MAPK6: variants seen among roughly 807,000 people sequenced by gnomAD.
MAPK6 encodes the protein mitogen-activated protein kinase 6, also known as ERK-3.
Under a neutral mutation model 59.3 loss-of-function variants are expected in MAPK6, and 19 were observed. The ratio of observed to expected loss-of-function variants is 0.32; its 90% CI spans 0.22 to 0.47. MAPK6 has a LOEUF of 0.47. Ranked by LOEUF, MAPK6 falls within the 20% of genes least tolerant of loss-of-function variation. The probability of loss-of-function intolerance (pLI) is 1.00; values close to 1 mark genes in which losing one functional copy is unlikely to be tolerated. For synonymous variants in MAPK6, 316 were observed against 290.3 expected, an observed-to-expected ratio of 1.09 and a Z score of -0.90; for missense variants, 724 against 847.9, an observed-to-expected ratio of 0.85 and a Z score of 1.81.
At chr15:52,058,252 T>G (rs942935336) in intron 3 of MAPK6, among the ~76,000 whole-genome samples, 5 of 152,232 alleles carry the variant, frequency 3.3e-5, no homozygotes, top group African/African-American at 1.2e-4. Context: ...TTCATTGATG[T>G]TGAAATAAAG....
chr15:52,031,901 A>AGGC (rs2031049896), intron 1 of MAPK6, among the ~76,000 whole-genome samples: 1 of 152,120 alleles, frequency 6.6e-6, no homozygotes, highest in Non-Finnish European at 1.5e-5. Context: ...TAATATGAAC[A>AGGC]AATAATTTTT....
chr15:52,035,713 T>A (rs1263873232), intron 1 of MAPK6: 3 of 152,080 alleles, frequency 2.0e-5, no homozygotes, highest in Non-Finnish European at 4.4e-5. Flanking sequence ...TCTCTAATAT[T>A]TTATCTGAGT....
At chr15:51,984,149 T>G (rs1158625072) in intron 2 of MAPK6, among the ~76,000 whole-genome samples, 1 of 152,190 alleles carries the variant, frequency 6.6e-6, no homozygotes, top group Non-Finnish European at 1.5e-5. Context: ...ATTATAATGA[T>G]GCAGTTACAC....
At chr15:52,044,460 TTGC>T (rs2031536914) in intron 1 of MAPK6, among the ~76,000 whole-genome samples, 1 of 152,230 alleles carries the variant, frequency 6.6e-6, no homozygotes, top group Non-Finnish European at 1.5e-5. Flanking sequence ...CATATAGTAG[TTGC>T]TCAATATATG....
At chr15:52,021,284 G>GT (rs1438567773) in intron 1 of MAPK6, among the ~76,000 whole-genome samples, 1 of 151,928 alleles carries the variant, frequency 6.6e-6, no homozygotes, top group Non-Finnish European at 1.5e-5. Flanking sequence ...TGGGGGTCGG[G>GT]TAGGAGGAAG....
In MAPK6 at chr15:52,063,979, C is replaced by A; in HGVS notation, c.1145C>A (p.Pro382Gln). The A allele has an allele frequency of 6.2e-7, 1 of 1,611,994 alleles. No individual in the cohort carries two copies. The highest frequency in any genetic ancestry group is 8.5e-7 in the Non-Finnish European group (1 of 1,178,994). ...GATATTGATGAAGTTCAGCTTGATC[C>A]AAGAGCTCTGTCCGATGTCACTGAT... ...NFDIDEVQLD[P>Q]RALSDVTDEE... The change falls in exon 6 of 6, where the codon CCA becomes CAA. Residue 382 changes from proline (P) to glutamine (Q), a missense_variant. Pro to Gln is a moderately conservative substitution (Grantham distance 76, BLOSUM62 -1). Transcript: ENST00000261845.
chr15:52,042,490 C>T lies in MAPK6; in HGVS notation c.-631-3340C>T, dbSNP rs1382606573. On this transcript the variant is annotated intron_variant, in intron 1 of 5. Transcript: ENST00000261845. ...AGTCACTGAGAATTCTGAAAAGGCA[C>T]TCGCATCCTTGAAGTTTCTAGTTTG... 2.0e-5 allele frequency among the ~76,000 whole-genome samples: 3 copies of T among 151,960 alleles called. No homozygotes were observed. The South Asian group carries it at 6.2e-4, about 32-fold the overall frequency.
chr15:52,052,296 C>G (rs2031808985), intron 3 of MAPK6, among the ~76,000 whole-genome samples: 1 of 152,180 alleles, frequency 6.6e-6, no homozygotes. Context: ...ATGTGGGCTT[C>G]TCCATAGGAC....
chr15:52,027,349 C>A (rs865886241), intron 1 of MAPK6, among the ~76,000 whole-genome samples: 16 of 49,192 alleles, frequency 3.3e-4, no homozygotes, highest in South Asian at 1.4e-3. Context: ...GACTCCCTCT[C>A]AAAAAAAAAA....
At chr15:52,035,335 C>A (rs1359182566) in intron 1 of MAPK6, among the ~76,000 whole-genome samples, 2 of 152,166 alleles carry the variant, frequency 1.3e-5, no homozygotes, top group African/African-American at 2.4e-5. Flanking sequence ...CAGACTTGGA[C>A]ACATTCAAAA....
upstream of MAPK6, among the ~76,000 whole-genome samples, chr15:52,016,070 G>GCACACACACACACACACACA (rs1175427042): frequency 3.2e-4 from 18 of 55,444 alleles, 1 homozygote; most frequent in Non-Finnish European, 4.7e-4. Context: ...GCGCGCGCGC[G>GCACACACACACACACACACA]CACACACACA....
At chr15:52,001,273 G>A (rs1331227235) in intron 2 of MAPK6, among the ~76,000 whole-genome samples, 2 of 151,886 alleles carry the variant, frequency 1.3e-5, no homozygotes, top group East Asian at 1.9e-4. Context: ...TCAGCCTCCA[G>A]AACTGCAAGA....
At chr15:52,063,835 G>C in intron 5 of MAPK6, 67 bp from the exon 6 acceptor site, 1 of 1,379,458 alleles carries the variant, frequency 7.2e-7, no homozygotes, top group South Asian at 1.5e-5. Flanking sequence ...TCACATAGAA[G>C]GTACTCGGTG....
At chr15:52,021,383 AT>A (rs959468449) in intron 1 of MAPK6, 59 of 146,140 alleles carry the variant, frequency 4.0e-4, no homozygotes, top group African/African-American at 1.5e-3. Context: ...TTTTTTTTAA[AT>A]ACACTGTATT....
upstream of MAPK6, among the ~76,000 whole-genome samples, chr15:52,016,070 G>GCACGCGCGCGCACA (rs1555396608): frequency 1.8e-5 from 1 of 55,392 alleles, no homozygotes; most frequent in Non-Finnish European, 3.4e-5. Context: ...GCGCGCGCGC[G>GCACGCGCGCGCACA]CACACACACA....
intron 1 of MAPK6, among the ~76,000 whole-genome samples, chr15:52,044,231 C>T (rs1359780819): frequency 6.6e-6 from 1 of 151,980 alleles, no homozygotes; most frequent in Non-Finnish European, 1.5e-5. Context: ...AACTTGTAGA[C>T]AGGAGAAGCC....
At chr15:51,979,143 G>A (rs1256621566) in intron 1 of MAPK6, among the ~76,000 whole-genome samples, 1 of 136,858 alleles carries the variant, frequency 7.3e-6, no homozygotes, top group African/African-American at 2.6e-5. Context: ...GGAAGGGAGG[G>A]AGGGAGGGAA....
At chr15:52,014,979 T>C (rs897997052), upstream of MAPK6, among the ~76,000 whole-genome samples, 4 of 152,196 alleles carry the variant, frequency 2.6e-5, no homozygotes, top group African/African-American at 9.7e-5. Flanking sequence ...ATCTGCAGTT[T>C]GAAAAAATGC....
chr15:52,029,372 C>A (rs1282354168), intron 1 of MAPK6, among the ~76,000 whole-genome samples: 1 of 152,028 alleles, frequency 6.6e-6, no homozygotes, highest in Non-Finnish European at 1.5e-5. Flanking sequence ...TATTGGCATA[C>A]CTAAGACAGG....
Sources: allele counts gnomAD v4.1 joint callset (sites outside exome capture counted in the v4.1 genomes callset), GRCh38; gene constraint gnomAD v4.1.1; transcripts MANE v1.5; gene names NCBI Gene and HGNC (gene_info 2026-07-23, HGNC 2026-07-21).